The following MGAT4C variants were observed in gnomAD, a reference collection of about 807,000 sequenced individuals.
The protein encoded by MGAT4C is alpha-1,3-mannosyl-glycoprotein 4-beta-N-acetylglucosaminyltransferase C.
In MGAT4C, 19 loss-of-function variants were observed where a neutral mutation model predicts 40.1. The ratio of observed to expected loss-of-function variants is 0.47; its 90% confidence interval spans 0.33 to 0.70. The LOEUF (loss-of-function observed/expected upper bound fraction) is 0.70, where lower values mean the gene tolerates loss of function less well. Ranked by LOEUF, MGAT4C falls within the 30% of genes least tolerant of loss-of-function variation. MGAT4C has a pLI of 0.02. For synonymous variants in MGAT4C, 181 were observed against 187.1 expected, an observed-to-expected ratio of 0.97 and a Z score of 0.27; for missense variants, 491 against 563.2, an observed-to-expected ratio of 0.87 and a Z score of 1.30.
intron 2 of MGAT4C, among the ~76,000 whole-genome samples, chr12:86,701,471 G>C (rs955126701): frequency 6.6e-6 from 1 of 152,048 alleles, no homozygotes; most frequent in Non-Finnish European, 1.5e-5. Flanking sequence ...ACCCATATAA[G>C]ACAGTAAACT....
At chr12:86,017,431 A>T (rs1178515619) in intron 2 of MGAT4C, among the ~76,000 whole-genome samples, 1 of 152,190 alleles carries the variant, frequency 6.6e-6, no homozygotes, top group African/African-American at 2.4e-5. Flanking sequence ...CTAAGAAGGA[A>T]CCATACATTT....
At chr12:86,750,400 A>G (rs1381568895) in intron 1 of MGAT4C, among the ~76,000 whole-genome samples, 2 of 151,980 alleles carry the variant, frequency 1.3e-5, no homozygotes, top group East Asian at 3.9e-4. Context: ...TCTACCCACT[A>G]TTCCCAATCA....
chr12:86,774,396 CCTCTCTCT>C lies in MGAT4C; in HGVS notation c.-261-47163_-261-47156del, dbSNP rs148122088. Among the ~76,000 whole-genome samples, 16 of 92,194 alleles carry C rather than the reference CCTCTCTCT, an allele frequency of 1.7e-4. 1 individual carries two copies. The highest frequency in any genetic ancestry group is 5.0e-4 in the African/African-American group (12 of 23,938). 60.5% of individuals were successfully genotyped at this position (92,194 alleles called of 152,430 possible). A position where few individuals can be genotyped will look rare whatever the true frequency, so the allele number is the denominator to read the frequency against. ...TTTCTGTCTGTCTCTCTCTCTCTCT[CCTCTCTCT>C]CTCTCTCTCTCTCTCTCTTTCTTTC... is the stretch of plus-strand genomic sequence containing the variant. On this transcript the variant is annotated intron_variant, in intron 1 of 7. Transcript: ENST00000548651.
At chr12:86,770,600 A>G (rs1951615560) in intron 1 of MGAT4C, among the ~76,000 whole-genome samples, 1 of 152,082 alleles carries the variant, frequency 6.6e-6, no homozygotes. Flanking sequence ...GTTTTTGCAT[A>G]GATAATGTAG....
intron 1 of MGAT4C, among the ~76,000 whole-genome samples, chr12:86,107,971 A>G (rs12580007): frequency 0.035 from 5,275 of 152,276 alleles, 294 homozygotes; most frequent in East Asian, 0.28. Flanking sequence ...GAAGTTGAAT[A>G]AAGCAGAGGG....
In MGAT4C at chr12:85,957,774, G is replaced by A. The variant is rs551456406; in HGVS notation, c.*21515C>T. 22 of 151,848 alleles carry A rather than the reference G, an allele frequency of 1.4e-4. No individual in the cohort carries two copies. The highest frequency in any genetic ancestry group is 1.2e-3 in the Admixed American group (18 of 15,212). The allele number at this position is 151,848 out of a possible 1,614,324, so 9.4% of individuals were successfully genotyped here. A position where few individuals can be genotyped will look rare whatever the true frequency, so the allele number is the denominator to read the frequency against. On this transcript the variant is annotated 3_prime_UTR_variant, in exon 5 of 5. Transcript: ENST00000611864. Reference sequence around the variant, plus strand: ...AACTCCTTCAGCTAAGGGGTTAATCGGTCAGGGTAGTGCAGGTGGTGCATG... The same window carrying A: ...AACTCCTTCAGCTAAGGGGTTAATCAGTCAGGGTAGTGCAGGTGGTGCATG...
intron 3 of MGAT4C, among the ~76,000 whole-genome samples, chr12:86,417,161 A>AC (rs1956735127): frequency 6.6e-6 from 1 of 151,350 alleles, no homozygotes; most frequent in South Asian, 2.1e-4. Context: ...ATAGTTGAAT[A>AC]TTTTTTTTTC....
chr12:86,812,936 G>A (rs1313621191), intron 1 of MGAT4C, among the ~76,000 whole-genome samples: 1 of 152,086 alleles, frequency 6.6e-6, no homozygotes, highest in African/African-American at 2.4e-5. Flanking sequence ...TGATATCAGA[G>A]GGTATTCATT....
intron 2 of MGAT4C, among the ~76,000 whole-genome samples, chr12:86,457,878 T>C (rs753061173): frequency 6.6e-6 from 1 of 152,076 alleles, no homozygotes; most frequent in African/African-American, 2.4e-5. Flanking sequence ...CTCTCTAACT[T>C]CATGTGCTTC....
At chr12:86,613,152 C>T (rs530918989) in intron 2 of MGAT4C, among the ~76,000 whole-genome samples, 31 of 151,986 alleles carry the variant, frequency 2.0e-4, no homozygotes, top group Middle Eastern at 6.8e-3. Flanking sequence ...TAAATGAAAA[C>T]GATTAAATTA....
intron 2 of MGAT4C, among the ~76,000 whole-genome samples, chr12:86,581,355 G>C (rs1960771534): frequency 6.6e-6 from 1 of 151,462 alleles, no homozygotes; most frequent in African/African-American, 2.4e-5. Context: ...TCACTGGCAA[G>C]CCAGTTCTTC....
At chr12:86,026,191 T>C (rs919412082) in intron 2 of MGAT4C, among the ~76,000 whole-genome samples, 2 of 151,896 alleles carry the variant, frequency 1.3e-5, no homozygotes, top group Admixed American at 6.6e-5. Flanking sequence ...TTTAATTACA[T>C]AAGCAATGCA....
chr12:86,564,506 C>G (rs987035171), intron 2 of MGAT4C, among the ~76,000 whole-genome samples: 1 of 152,128 alleles, frequency 6.6e-6, no homozygotes, highest in Non-Finnish European at 1.5e-5. Flanking sequence ...CTGATTGGGT[C>G]CAGTAACAAT....
At chr12:86,236,151 C>T (rs1951532463) in intron 1 of MGAT4C, among the ~76,000 whole-genome samples, 1 of 151,902 alleles carries the variant, frequency 6.6e-6, no homozygotes, top group South Asian at 2.1e-4. Context: ...CATATGTTTT[C>T]AATGAAAGTA....
At chr12:86,019,107 G>T (rs1286668244) in intron 2 of MGAT4C, among the ~76,000 whole-genome samples, 1 of 152,070 alleles carries the variant, frequency 6.6e-6, no homozygotes, top group East Asian at 1.9e-4. Context: ...ATGTCAGCAA[G>T]AGTACAGGAA....
intron 2 of MGAT4C, among the ~76,000 whole-genome samples, chr12:86,008,325 TTGTC>T (rs1239767948): frequency 6.6e-6 from 1 of 152,058 alleles, no homozygotes; most frequent in African/African-American, 2.4e-5. Flanking sequence ...CATCTTTAAT[TTGTC>T]TGAGCAATGG....
intron 1 of MGAT4C, among the ~76,000 whole-genome samples, chr12:86,808,204 G>A (rs966554501): frequency 1.3e-5 from 2 of 152,090 alleles, no homozygotes; most frequent in Non-Finnish European, 2.9e-5. Context: ...GAAATACAAA[G>A]AGGAGCAGAC....
intron 2 of MGAT4C, among the ~76,000 whole-genome samples, chr12:86,621,605 A>T (rs922591016): frequency 6.6e-6 from 1 of 152,104 alleles, no homozygotes; most frequent in African/African-American, 2.4e-5. Context: ...CAGCCTCCTG[A>T]GTAGCTGGGA....
intron 1 of MGAT4C, among the ~76,000 whole-genome samples, chr12:86,150,055 G>A (rs977795559): frequency 4.6e-5 from 7 of 152,166 alleles, no homozygotes; most frequent in African/African-American, 1.7e-4. Flanking sequence ...GTGGATGGGT[G>A]GAAGATGGTT....
Sources: gnomAD v4.1 joint callset for allele counts (sites outside exome capture counted in the v4.1 genomes callset) on GRCh38, gnomAD v4.1.1 for gene constraint, MANE v1.5 for transcripts, NCBI Gene and HGNC (gene_info 2026-07-23, HGNC 2026-07-21) for gene names.